OTOG: variants seen among roughly 807,000 people sequenced by gnomAD.
OTOG encodes the protein otogelin.
A neutral mutation model predicts 313.8 loss-of-function variants in OTOG; 296 were observed. The ratio of observed to expected loss-of-function variants is 0.94; its 90% CI spans 0.86 to 1.04. The LOEUF (loss-of-function observed/expected upper bound fraction) is 1.04, where lower values mean the gene tolerates loss of function less well. Among genes scored for constraint, OTOG ranks in the 50% least tolerant of loss-of-function variants. OTOG has a pLI of 0.00. For synonymous variants in OTOG, 1,533 were observed against 1,554.9 expected (o/e 0.99, Z 0.33); for missense variants, 3,948 against 3,840.1 (o/e 1.03, Z -0.74).
intron 6 of OTOG, 181 bp from the exon 7 acceptor site, chr11:17,555,598 C>A: frequency 3.6e-6 from 2 of 556,706 alleles, no homozygotes; most frequent in East Asian, 2.9e-5. Context: ...AGTCACTTCA[C>A]CTCTCTGTGA....
At chr11:17,638,409 G>A in intron 47 of OTOG, 42 bp from the exon 48 acceptor site, 3 of 1,471,144 alleles carry the variant, frequency 2.0e-6, no homozygotes, top group Non-Finnish European at 2.7e-6. Flanking sequence ...ACATCCCCAG[G>A]TGCCTGTGAC....
In OTOG at chr11:17,578,452, G is replaced by C; in HGVS notation, c.2685G>C (p.Thr895=). The part of the protein sequence containing the change: ...HTDLELSRER[T]CEQQLLNLSV... ...ACCTGGAGCTGAGCAGGGAGAGGACGTGTGAGCAGCAACTGCTGAACCTGA... is the reference window on the plus strand; with the variant it reads ...ACCTGGAGCTGAGCAGGGAGAGGACCTGTGAGCAGCAACTGCTGAACCTGA... Residue 895 remains threonine, a synonymous_variant, in exon 23 of 56, where the codon ACG becomes ACC. Transcript: ENST00000399397. The C allele has an allele frequency of 1.3e-6, 2 of 1,541,652 alleles. No individual in the cohort carries two copies. The highest frequency in any genetic ancestry group is 1.7e-6 in the Non-Finnish European group (2 of 1,146,906).
chr11:17,595,269 T>C (rs1426760951), intron 28 of OTOG, among the ~76,000 whole-genome samples: 1 of 152,166 alleles, frequency 6.6e-6, no homozygotes, highest in African/African-American at 2.4e-5. Context: ...ACCCTTGTTC[T>C]CCCCACACCC....
intron 15 of OTOG, among the ~76,000 whole-genome samples, chr11:17,565,031 C>T (rs1459068159): frequency 1.3e-5 from 2 of 152,168 alleles, no homozygotes; most frequent in Admixed American, 6.5e-5. Flanking sequence ...GTCTATCTTA[C>T]GCCCAGTTTC....
intron 37 of OTOG, 48 bp from the exon 38 acceptor site, chr11:17,612,572 G>A: frequency 1.3e-6 from 2 of 1,528,926 alleles, no homozygotes; most frequent in Non-Finnish European, 1.8e-6. Context: ...GGCGGCCTTG[G>A]TCTTGGAGGC....
intron 24 of OTOG, among the ~76,000 whole-genome samples, chr11:17,587,049 T>A (rs1386539360): frequency 6.6e-6 from 1 of 152,264 alleles, no homozygotes; most frequent in Non-Finnish European, 1.5e-5. Context: ...ATTTAAAATG[T>A]GTGCACATGT....
intron 23 of OTOG, among the ~76,000 whole-genome samples, chr11:17,579,193 C>T (rs1852609957): frequency 6.6e-6 from 1 of 152,192 alleles, no homozygotes; most frequent in South Asian, 2.1e-4. Flanking sequence ...TTGGCAACAG[C>T]CGGCTGTGCC....
chr11:17,597,073 G>A lies in OTOG; in HGVS notation c.3682+66G>A, dbSNP rs1853129788. The A allele has an allele frequency of 2.0e-6, 3 of 1,512,842 alleles. No homozygotes were observed. In the Middle Eastern group the frequency reaches 6.8e-4, roughly 342 times the overall value. The allele number at this position is 1,512,842 out of a possible 1,614,324, so 93.7% of individuals were successfully genotyped here. On this transcript the variant is annotated intron_variant, in intron 30 of 55. Transcript: ENST00000399397. ...TGTCACCTGTGGGCATGCCCTAGGG[G>A]TACTGGCAGTCTGTCTAGCATTTAC...
chr11:17,584,818 AC>A (rs1440754886), intron 23 of OTOG, among the ~76,000 whole-genome samples: 1 of 152,216 alleles, frequency 6.6e-6, no homozygotes, highest in Non-Finnish European at 1.5e-5. Context: ...GAGCCACCGC[AC>A]CAAGCCTGTC....
rs1482210239 is a variant in OTOG at position 17,610,685 on chromosome 11, C to T, written c.5385C>T (p.Pro1795=). The change falls in exon 36 of 56, where the codon CCC becomes CCT. Residue 1795 remains proline (P), a synonymous_variant. Transcript: ENST00000399397. Reference sequence around the variant, plus strand: ...TCATGTCCCTTGAGTCAACTCGTCCCTCCCAGCTCCTCTCTGGCCTGCCTC... The same window carrying T: ...TCATGTCCCTTGAGTCAACTCGTCCTTCCCAGCTCCTCTCTGGCCTGCCTC... ...TPFMSLESTR[P]SQLLSGLPPD... The T allele has an allele frequency of 6.4e-7, 1 of 1,550,590 alleles. No individual in the cohort carries two copies.
chr11:17,643,535 T>C, intron 54 of OTOG, 29 bp downstream of exon 54: 1 of 647,704 alleles, frequency 1.5e-6, no homozygotes, highest in South Asian at 2.9e-5. Flanking sequence ...GGCCCAGGGG[T>C]GGGGGGCTCT....
At position 17,609,672 on chromosome 11, in the gene OTOG, T is replaced by A. The variant is rs556802969; in HGVS notation, c.4372T>A (p.Trp1458Arg). The change falls in exon 36 of 56, where the codon TGG becomes AGG. Residue 1458 changes from tryptophan to arginine, a missense_variant. By Grantham distance (101) the Trp-to-Arg change is moderately radical. Coordinates refer to ENST00000399397, the MANE Select transcript of OTOG (RefSeq NM_001292063.2). ...CTCCGCAGGTGTGGAGCCAGCAGTT[T>A]GGGTTCCCACAGAGGCCCTTGGCAA... ...YLEDCVEPAV[W>R]VPTEALGNET... is the part of the protein sequence containing the mutation. The A allele has an allele frequency of 2.0e-6, 3 of 1,493,182 alleles. No individual in the cohort carries two copies. In the South Asian group the frequency reaches 4.0e-5, roughly 20 times the overall value. 92.5% of individuals were successfully genotyped at this position (1,493,182 alleles called of 1,614,324 possible).
chr11:17,627,893 T>A (rs1014150442), intron 39 of OTOG, among the ~76,000 whole-genome samples: 1 of 152,184 alleles, frequency 6.6e-6, no homozygotes, highest in African/African-American at 2.4e-5. Flanking sequence ...CTGCTAATGA[T>A]CCTTTGAATT....
intron 33 of OTOG, 89 bp downstream of exon 33, chr11:17,606,224 A>G (rs994386835): frequency 4.3e-6 from 6 of 1,401,154 alleles, no homozygotes; most frequent in Non-Finnish European, 5.6e-6. Context: ...CCTTCCAATT[A>G]CCCCTAAGAA....
At chr11:17,564,206 A>G (rs1852252742) in intron 15 of OTOG, among the ~76,000 whole-genome samples, 1 of 152,188 alleles carries the variant, frequency 6.6e-6, no homozygotes, top group African/African-American at 2.4e-5. Context: ...ACACAGAGTA[A>G]TCAGACCCTG....
intron 49 of OTOG, 26 bp from the exon 50 acceptor site, chr11:17,640,716 AGGG>A (rs2133719342): frequency 1.3e-6 from 2 of 1,547,046 alleles, no homozygotes; most frequent in East Asian, 4.9e-5. Context: ...CCCCCAACCC[AGGG>A]TGCTGACTGC....
chr11:17,645,453 G>T, intron 54 of OTOG, 111 bp from the exon 55 acceptor site: 5 of 998,400 alleles, frequency 5.0e-6, no homozygotes, highest in Non-Finnish European at 6.0e-6. Context: ...GGGTGCTAAT[G>T]CTGGAAGAGA....
At chr11:17,551,679 G>A (rs78865867) in intron 3 of OTOG, among the ~76,000 whole-genome samples, 14,335 of 152,144 alleles carry the variant, frequency 0.094, 764 homozygotes, top group Middle Eastern at 0.22. Flanking sequence ...TACTGGGAGA[G>A]AGGGAAGAAA....
chr11:17,606,159 C>A lies in OTOG; in HGVS notation c.4156+24C>A, dbSNP rs916544592. 4 of 1,508,882 alleles carry A rather than the reference C, an allele frequency of 2.7e-6. No homozygotes were observed. The African/African-American group carries it at 4.1e-5, about 16-fold the overall frequency. The allele number at this position is 1,508,882 out of a possible 1,614,324, so 93.5% of individuals were successfully genotyped here. A position where few individuals can be genotyped will look rare whatever the true frequency, so the allele number is the denominator to read the frequency against. On this transcript the variant is annotated intron_variant, in intron 33 of 55. Transcript: ENST00000399397. ...GGGTAGGCGACCCCCTGCCATTGCC[C>A]TCGGCCCTTTGGCCCTCTCAGTCCA...
Sources: allele counts gnomAD v4.1 joint callset (sites outside exome capture counted in the v4.1 genomes callset), GRCh38; gene constraint gnomAD v4.1.1; transcripts MANE v1.5; gene names NCBI Gene and HGNC (gene_info 2026-07-23, HGNC 2026-07-21).